ZNF536: variants seen among roughly 807,000 people sequenced by gnomAD.
ZNF536 encodes zinc finger protein 536.
In ZNF536, 13 loss-of-function variants were observed where a neutral mutation model predicts 84.5. The ratio of observed to expected loss-of-function variants is 0.15; its 90% confidence interval spans 0.10 to 0.24. The LOEUF (loss-of-function observed/expected upper bound fraction) is 0.24, where lower values mean the gene tolerates loss of function less well. Ranked by LOEUF, ZNF536 falls within the 10% of genes least tolerant of loss-of-function variation. The pLI, the probability that ZNF536 is intolerant of heterozygous loss-of-function variation, is 1.00. For missense variants in ZNF536, 1,536 were observed against 1,747.5 expected (o/e 0.88, Z 2.16); for synonymous variants, 811 against 742.5 (o/e 1.09, Z -1.50).
At chr19:30,271,492 T>C (rs2025851581) in intron 1 of ZNF536, among the ~76,000 whole-genome samples, 1 of 152,098 alleles carries the variant, frequency 6.6e-6, no homozygotes, top group Admixed American at 6.6e-5. Context: ...GAGCTAAGGC[T>C]GATATGGATT....
intron 2 of ZNF536, among the ~76,000 whole-genome samples, chr19:30,470,204 CT>C (rs1029876709): frequency 3.3e-5 from 5 of 152,076 alleles, no homozygotes; most frequent in Non-Finnish European, 7.4e-5. Flanking sequence ...TAGCTACACC[CT>C]TTTTTGAGGA....
chr19:30,370,952 C>T (rs755862982), upstream of ZNF536, among the ~76,000 whole-genome samples: 9 of 152,114 alleles, frequency 5.9e-5, no homozygotes, highest in Middle Eastern at 3.2e-3. Context: ...TGCAGCACTC[C>T]GTGTAAAAAA....
intron 2 of ZNF536, among the ~76,000 whole-genome samples, chr19:30,485,607 T>TC (rs2054273871): frequency 2.0e-5 from 3 of 151,904 alleles, no homozygotes; most frequent in Non-Finnish European, 2.9e-5. Flanking sequence ...TTTCTTCTTT[T>TC]TTTTTTTGTC....
intron 3 of ZNF536, among the ~76,000 whole-genome samples, chr19:30,364,841 T>C (rs767002040): frequency 2.6e-5 from 4 of 152,172 alleles, no homozygotes; most frequent in Non-Finnish European, 4.4e-5. Context: ...ACAAAAGAGG[T>C]ACTTTGGGTG....
chr19:30,388,785 T>C (rs540437936), intron 1 of ZNF536, among the ~76,000 whole-genome samples: 1 of 152,312 alleles, frequency 6.6e-6, no homozygotes, highest in Non-Finnish European at 1.5e-5. Flanking sequence ...CTTGGTTAAT[T>C]TATAGTAGCC....
chr19:30,241,455 G>T (rs558913144), intron 1 of ZNF536, among the ~76,000 whole-genome samples: 2 of 152,188 alleles, frequency 1.3e-5, no homozygotes, highest in African/African-American at 2.4e-5. Context: ...CACACCAGTC[G>T]GGCAGGAAGC....
At chr19:30,575,506 G>A (rs555384247) in intron 1 of ZNF536, among the ~76,000 whole-genome samples, 14 of 152,210 alleles carry the variant, frequency 9.2e-5, no homozygotes, top group Non-Finnish European at 1.8e-4. Flanking sequence ...CATCTGTCTT[G>A]CTCAGTCATC....
intron 2 of ZNF536, among the ~76,000 whole-genome samples, chr19:30,491,470 A>T (rs1046836888): frequency 6.6e-6 from 1 of 152,150 alleles, no homozygotes; most frequent in Non-Finnish European, 1.5e-5. Context: ...CTGGTAATAC[A>T]ATGCCAATCC....
chr19:30,308,747 G>T (rs924300393), intron 2 of ZNF536, among the ~76,000 whole-genome samples: 1 of 152,186 alleles, frequency 6.6e-6, no homozygotes, highest in South Asian at 2.1e-4. Flanking sequence ...AAGTCACTCT[G>T]TGGTCGCACA....
chr19:30,543,610 A>T (rs2045423832), intron 3 of ZNF536, among the ~76,000 whole-genome samples: 1 of 152,224 alleles, frequency 6.6e-6, no homozygotes, highest in South Asian at 2.1e-4. Flanking sequence ...ATCCAGATGC[A>T]GAGGCCTTGG....
chr19:30,573,891 A>T (rs750647228), intron 1 of ZNF536, among the ~76,000 whole-genome samples: 1 of 152,176 alleles, frequency 6.6e-6, no homozygotes, highest in Non-Finnish European at 1.5e-5. Flanking sequence ...ACCTTCCAAC[A>T]TGATGGCCAT....
chr19:30,486,243 CT>C (rs2054297052), intron 2 of ZNF536, among the ~76,000 whole-genome samples: 1 of 152,174 alleles, frequency 6.6e-6, no homozygotes, highest in Non-Finnish European at 1.5e-5. Context: ...TATTCTGATG[CT>C]CTCCCTCCCA....
intron 1 of ZNF536, among the ~76,000 whole-genome samples, chr19:30,687,365 G>A (rs1196883730): frequency 2.0e-5 from 3 of 152,202 alleles, no homozygotes; most frequent in Non-Finnish European, 4.4e-5. Context: ...TCACTCTACT[G>A]GGCTCCCTTC....
chr19:30,381,022 A>G (rs2147162892), intron 1 of ZNF536, among the ~76,000 whole-genome samples: 1 of 152,198 alleles, frequency 6.6e-6, no homozygotes, highest in Non-Finnish European at 1.5e-5. Flanking sequence ...GACTGCAGGC[A>G]TGCACCACCA....
intron 1 of ZNF536, among the ~76,000 whole-genome samples, chr19:30,664,190 A>G (rs2050218729): frequency 6.8e-6 from 1 of 146,514 alleles, no homozygotes; most frequent in Non-Finnish European, 1.5e-5. Context: ...ATCTAGAGGA[A>G]TTCTTGCTGA....
intron 1 of ZNF536, among the ~76,000 whole-genome samples, chr19:30,601,272 C>A (rs768227144): frequency 1.8e-4 from 27 of 152,188 alleles, no homozygotes; most frequent in Non-Finnish European, 3.4e-4. Flanking sequence ...TTCTACAAGT[C>A]CCAGGCAGCA....
intron 2 of ZNF536, among the ~76,000 whole-genome samples, chr19:30,530,185 T>G (rs1172083540): frequency 6.6e-6 from 1 of 152,056 alleles, no homozygotes; most frequent in Non-Finnish European, 1.5e-5. Context: ...ACCCAGCACA[T>G]TAGAGAAAGT....
At chr19:30,613,221 T>A (rs1208442376) in intron 1 of ZNF536, among the ~76,000 whole-genome samples, 5 of 152,168 alleles carry the variant, frequency 3.3e-5, no homozygotes, top group Non-Finnish European at 4.4e-5. Context: ...CTGTCAATTT[T>A]TTTATGTTTA....
intron 2 of ZNF536, among the ~76,000 whole-genome samples, chr19:30,482,900 C>A (rs2054146445): frequency 6.6e-6 from 1 of 152,174 alleles, no homozygotes; most frequent in African/African-American, 2.4e-5. Flanking sequence ...GTATCAGCAT[C>A]TCCATAGCGC....
Sources: allele counts gnomAD v4.1 joint callset (sites outside exome capture counted in the v4.1 genomes callset), GRCh38; gene constraint gnomAD v4.1.1; transcripts MANE v1.5; gene names NCBI Gene and HGNC (gene_info 2026-07-23, HGNC 2026-07-21).